The following SEMA3E variants were observed in gnomAD, a reference collection of about 807,000 sequenced individuals.
SEMA3E encodes semaphorin-3E.
SEMA3E carries 49 observed loss-of-function variants against 93.6 expected under a neutral mutation model. That is an observed-to-expected ratio of 0.52 (90% CI 0.42 to 0.66). The LOEUF (loss-of-function observed/expected upper bound fraction) is 0.66. Ranked by LOEUF, SEMA3E falls within the 30% of genes least tolerant of loss-of-function variation. SEMA3E has a pLI of 0.00. For synonymous variants in SEMA3E, 363 were observed against 330.7 expected (o/e 1.10, Z -1.06); for missense variants, 906 against 964.8 (o/e 0.94, Z 0.81).
In SEMA3E at chr7:83,370,658, G is replaced by A. The variant is rs548595214; in HGVS notation, c.1876-2620C>T. Among the ~76,000 whole-genome samples, 33 of 151,984 alleles carry A rather than the reference G, an allele frequency of 2.2e-4. No individual in the cohort carries two copies. In the Middle Eastern group the frequency reaches 0.01, roughly 47 times the overall value. On this transcript the variant is annotated intron_variant, in intron 16 of 16. Coordinates refer to ENST00000643230, the MANE Select transcript of SEMA3E (RefSeq NM_012431.3). ...TAAGGCTGATTAATTCTCATCCTGC[G>A]TAACTGAATTAAATATCATCTTCCC...
chr7:83,490,019 A>G (rs567475755), intron 2 of SEMA3E, 95 bp downstream of exon 2: 2 of 1,157,232 alleles, frequency 1.7e-6, no homozygotes, highest in East Asian at 2.5e-5. Flanking sequence ...TCAAAATTTT[A>G]AAGTGGTCAA....
At chr7:83,633,765 A>G (rs1202777364) in intron 1 of SEMA3E, among the ~76,000 whole-genome samples, 1 of 149,936 alleles carries the variant, frequency 6.7e-6, no homozygotes, top group East Asian at 1.9e-4. Flanking sequence ...TGTTAAGAGG[A>G]AAAAAAAAAT....
intron 4 of SEMA3E, among the ~76,000 whole-genome samples, chr7:83,424,492 T>C (rs191447270): frequency 3.9e-5 from 6 of 152,288 alleles, no homozygotes; most frequent in Admixed American, 3.9e-4. Context: ...CATCTTTCCA[T>C]CATGTCTTCT....
At chr7:83,546,204 C>T (rs1308395791) in intron 1 of SEMA3E, among the ~76,000 whole-genome samples, 3 of 149,288 alleles carry the variant, frequency 2.0e-5, no homozygotes, top group East Asian at 3.9e-4. Context: ...CACTAAAACA[C>T]CAATATTTAC....
chr7:83,445,811 A>C (rs946291413), intron 4 of SEMA3E, among the ~76,000 whole-genome samples: 1 of 152,204 alleles, frequency 6.6e-6, no homozygotes, highest in Non-Finnish European at 1.5e-5. Context: ...GGGGAAAGGT[A>C]GCACCAAATA....
rs149083187 is a variant in SEMA3E, at chr7:83,439,244, TGGA to T, written c.457-20764_457-20762del. ...GATCACAAAGGATCACAGTCCTGTG[TGGA>T]GAAGAAAGAAAGGAATTGCTGGTAA... is the stretch of plus-strand genomic sequence containing the variant. On this transcript the variant is annotated intron_variant, in intron 4 of 16. Transcript: ENST00000643230. Among the ~76,000 whole-genome samples, 332 of 152,230 alleles carry T rather than the reference TGGA, an allele frequency of 2.2e-3. 7 individuals carry two copies. The East Asian group carries it at 0.047, about 22-fold the overall frequency.
intron 1 of SEMA3E, among the ~76,000 whole-genome samples, chr7:83,567,574 G>T (rs920812523): frequency 6.6e-6 from 1 of 151,976 alleles, no homozygotes; most frequent in Non-Finnish European, 1.5e-5. Context: ...GATCAAAATG[G>T]AATAACACCA....
chr7:83,567,833 T>A (rs996039778), intron 1 of SEMA3E, among the ~76,000 whole-genome samples: 6 of 151,606 alleles, frequency 4.0e-5, no homozygotes, highest in Admixed American at 3.9e-4. Context: ...AATCTAACAA[T>A]GCACCTCAAA....
At chr7:83,511,954 A>G (rs193145354) in intron 1 of SEMA3E, among the ~76,000 whole-genome samples, 1,858 of 152,268 alleles carry the variant, frequency 0.012, 21 homozygotes, top group South Asian at 0.019. Context: ...GCATGTTCCA[A>G]TTGTTGCAAC....
At chr7:83,603,715 C>T (rs184688056) in intron 1 of SEMA3E, among the ~76,000 whole-genome samples, 43 of 152,218 alleles carry the variant, frequency 2.8e-4, no homozygotes, top group Non-Finnish European at 5.0e-4. Context: ...AACTTTTTCA[C>T]AGAAGCAAAT....
chr7:83,543,809 AC>A (rs1791587516), intron 1 of SEMA3E, among the ~76,000 whole-genome samples: 1 of 152,062 alleles, frequency 6.6e-6, no homozygotes, highest in African/African-American at 2.4e-5. Flanking sequence ...TTGAGAACAT[AC>A]TCCCATTTTG....
At chr7:83,556,544 T>G (rs1306344851) in intron 1 of SEMA3E, among the ~76,000 whole-genome samples, 1 of 152,198 alleles carries the variant, frequency 6.6e-6, no homozygotes, top group East Asian at 1.9e-4. Context: ...AGTTGTCAAT[T>G]TTAATGACTA....
chr7:83,597,619 T>C (rs1792905254), intron 1 of SEMA3E, among the ~76,000 whole-genome samples: 1 of 152,210 alleles, frequency 6.6e-6, no homozygotes, highest in Non-Finnish European at 1.5e-5. Context: ...AGTCAGCAAT[T>C]GATGCTACAT....
intron 4 of SEMA3E, among the ~76,000 whole-genome samples, chr7:83,457,270 C>T (rs894066836): frequency 6.6e-6 from 1 of 152,158 alleles, no homozygotes; most frequent in Admixed American, 6.5e-5. Context: ...CTATTAACTA[C>T]TCCCCCAGGG....
At chr7:83,460,768 T>G (rs968393232) in intron 4 of SEMA3E, among the ~76,000 whole-genome samples, 2 of 150,084 alleles carry the variant, frequency 1.3e-5, no homozygotes, top group African/African-American at 4.9e-5. Flanking sequence ...CCCCGGCCCC[T>G]TATTTCTGCG....
chr7:83,402,414 G>T (rs984749680), intron 10 of SEMA3E, among the ~76,000 whole-genome samples: 3 of 151,852 alleles, frequency 2.0e-5, no homozygotes, highest in African/African-American at 7.2e-5. Flanking sequence ...TTATAATACT[G>T]CTGTGTCCAT....
intron 4 of SEMA3E, among the ~76,000 whole-genome samples, chr7:83,451,774 G>A (rs989720094): frequency 7.9e-5 from 12 of 152,188 alleles, no homozygotes; most frequent in African/African-American, 2.2e-4. Context: ...GAAACCAACC[G>A]GTTTTTAAAA....
intron 1 of SEMA3E, among the ~76,000 whole-genome samples, chr7:83,591,702 C>T (rs1792759989): frequency 6.6e-6 from 1 of 151,922 alleles, no homozygotes; most frequent in African/African-American, 2.4e-5. Flanking sequence ...AAAATAAACA[C>T]ATAAAACTTT....
chr7:83,523,588 A>G (rs1417098221), intron 1 of SEMA3E, among the ~76,000 whole-genome samples: 1 of 151,972 alleles, frequency 6.6e-6, no homozygotes, highest in Non-Finnish European at 1.5e-5. Context: ...CCATTCTGCC[A>G]TCTTCAATTC....
Sources: allele counts gnomAD v4.1 joint callset (sites outside exome capture counted in the v4.1 genomes callset), GRCh38; gene constraint gnomAD v4.1.1; transcripts MANE v1.5; gene names NCBI Gene and HGNC (gene_info 2026-07-23, HGNC 2026-07-21).